TNS3: variants seen among roughly 807,000 people sequenced by gnomAD.
TNS3 encodes tensin 3.
Under a neutral mutation model 140.9 loss-of-function variants are expected in TNS3, and 45 were observed. The observed-to-expected ratio is 0.32, with a 90% CI of 0.25 to 0.41. The LOEUF (loss-of-function observed/expected upper bound fraction) is 0.41, where lower values mean the gene tolerates loss of function less well. Ranked by LOEUF, TNS3 falls within the 10% of genes least tolerant of loss-of-function variation. TNS3 has a pLI of 1.00. For synonymous variants in TNS3, 815 were observed against 788.4 expected (o/e 1.03, Z -0.56); for missense variants, 1,716 against 1,906.7 (o/e 0.90, Z 1.86).
At chr7:47,395,779 A>T (rs1251614058) in intron 16 of TNS3, among the ~76,000 whole-genome samples, 2 of 152,220 alleles carry the variant, frequency 1.3e-5, no homozygotes, top group Non-Finnish European at 2.9e-5. Context: ...TACCATCAAC[A>T]TTCCATCTGT....
Position 47,302,945 on chromosome 7 carries a change from C to A in TNS3, c.3457+5G>T, listed in dbSNP as rs532487398. On this transcript the variant is annotated splice_donor_5th_base_variant and intron_variant, in intron 22 of 30. Coordinates refer to ENST00000311160, the MANE Select transcript of TNS3 (RefSeq NM_022748.12). ...GCCCTTCCAACCAGCTGGAAACACACCTACCTGGCAGAGGTGAGGCCGCTT... is the reference window on the plus strand; with the variant it reads ...GCCCTTCCAACCAGCTGGAAACACAACTACCTGGCAGAGGTGAGGCCGCTT... The A allele has an allele frequency of 5.0e-6, 8 of 1,592,764 alleles. No homozygotes were observed. In the South Asian group the frequency reaches 8.0e-5, roughly 16 times the overall value.
At chr7:47,315,606 G>A (rs889797168) in intron 20 of TNS3, among the ~76,000 whole-genome samples, 7 of 152,226 alleles carry the variant, frequency 4.6e-5, no homozygotes, top group African/African-American at 1.7e-4. Flanking sequence ...AACAGGAAGA[G>A]GAGAAACCCA....
At chr7:47,324,865 C>A (rs545353266) in intron 20 of TNS3, among the ~76,000 whole-genome samples, 1 of 152,118 alleles carries the variant, frequency 6.6e-6, no homozygotes, top group African/African-American at 2.4e-5. Flanking sequence ...AAATAGTCTG[C>A]GCATAACTGT....
At position 47,407,790 on chromosome 7, in the gene TNS3, C is replaced by T. The variant is rs1040077069; in HGVS notation, c.723+3937G>A. Among the ~76,000 whole-genome samples, 3 of 152,142 alleles carry T rather than the reference C, an allele frequency of 2.0e-5. No homozygotes were observed. Among genetic ancestry groups the T allele is most frequent in the African/African-American group, 7.2e-5 (3 of 41,434 alleles). On this transcript the variant is annotated intron_variant, in intron 13 of 30. Coordinates refer to ENST00000311160, the MANE Select transcript of TNS3 (RefSeq NM_022748.12). The surrounding 1 kb of genome is among the most constrained non-coding windows in gnomAD (Gnocchi z 4.1). Reference sequence around the variant, plus strand: ...ACAGAGGGAAGCCCAGGTGAGGACACAGGGAGAAGACAGCCACCTCCAGGT... The same window carrying T: ...ACAGAGGGAAGCCCAGGTGAGGACATAGGGAGAAGACAGCCACCTCCAGGT...
At chr7:47,448,476 A>ATTTTTTTTTTTTTTTTTTTTT (rs71003401) in intron 4 of TNS3, among the ~76,000 whole-genome samples, 1 of 129,678 alleles carries the variant, frequency 7.7e-6, no homozygotes. Context: ...TGGGAATTCG[A>ATTTTTTTTTTTTTTTTTTTTT]TTTTTTTTTT....
chr7:47,312,970 GAAGA>G (rs1005385857), intron 20 of TNS3, among the ~76,000 whole-genome samples: 1 of 152,194 alleles, frequency 6.6e-6, no homozygotes, highest in African/African-American at 2.4e-5. Context: ...CCGGAGAACG[GAAGA>G]GAGAAACAAA....
intron 5 of TNS3, among the ~76,000 whole-genome samples, chr7:47,440,931 A>T (rs566287212): frequency 7.2e-5 from 11 of 152,320 alleles, no homozygotes; most frequent in African/African-American, 2.6e-4. Flanking sequence ...ATGTACCCAC[A>T]TCACCTAACT....
At chr7:47,375,770 A>C (rs1231704873) in intron 16 of TNS3, among the ~76,000 whole-genome samples, 1 of 152,188 alleles carries the variant, frequency 6.6e-6, no homozygotes, top group African/African-American at 2.4e-5. Flanking sequence ...AGCTGATCTC[A>C]CACTTCAGCA....
intron 9 of TNS3, among the ~76,000 whole-genome samples, chr7:47,425,991 G>A (rs1452799060): frequency 6.6e-6 from 1 of 152,026 alleles, no homozygotes; most frequent in Non-Finnish European, 1.5e-5. Flanking sequence ...AAGCTTTGCA[G>A]TAGAAAACAA....
At chr7:47,344,594 T>A (rs567061232) in intron 20 of TNS3, among the ~76,000 whole-genome samples, 161 bp downstream of exon 20, 1 of 152,224 alleles carries the variant, frequency 6.6e-6, no homozygotes, top group African/African-American at 2.4e-5. Flanking sequence ...CACGGCCACA[T>A]CCCTACATCT....
At chr7:47,310,348 G>A (rs1787016437) in intron 20 of TNS3, among the ~76,000 whole-genome samples, 1 of 152,086 alleles carries the variant, frequency 6.6e-6, no homozygotes, top group African/African-American at 2.4e-5. Context: ...GATGCACCTA[G>A]GAAGAGGGGC....
intron 4 of TNS3, among the ~76,000 whole-genome samples, chr7:47,451,010 T>C (rs925106941): frequency 2.0e-5 from 3 of 152,196 alleles, no homozygotes; most frequent in Non-Finnish European, 2.9e-5. Context: ...GGCAGGTGCC[T>C]GTAAACCCAG....
intron 4 of TNS3, among the ~76,000 whole-genome samples, chr7:47,479,961 A>T (rs1022010446): frequency 3.3e-5 from 5 of 152,320 alleles, no homozygotes; most frequent in Admixed American, 1.3e-4. Context: ...CCCACTGGGT[A>T]AAGGAGGAAA....
At chr7:47,540,080 C>T (rs757130508) in intron 1 of TNS3, among the ~76,000 whole-genome samples, 3 of 152,194 alleles carry the variant, frequency 2.0e-5, no homozygotes, top group Non-Finnish European at 4.4e-5. Context: ...CAATTTTCTT[C>T]GTGCTTTGCC....
chr7:47,485,357 G>A (rs1008173632), intron 3 of TNS3, among the ~76,000 whole-genome samples: 25 of 152,296 alleles, frequency 1.6e-4, no homozygotes, highest in African/African-American at 5.8e-4. Context: ...TAAGGCCAGC[G>A]AGCCCCCACT....
chr7:47,313,726 T>G (rs909116653), intron 20 of TNS3, among the ~76,000 whole-genome samples: 3 of 152,172 alleles, frequency 2.0e-5, no homozygotes, highest in African/African-American at 7.2e-5. Context: ...AAGCCCTCAA[T>G]GCACTCCCAT....
intron 20 of TNS3, among the ~76,000 whole-genome samples, chr7:47,318,972 T>C (rs530496993): frequency 2.6e-5 from 4 of 152,334 alleles, no homozygotes; most frequent in African/African-American, 7.2e-5. Flanking sequence ...GAATCTGGCT[T>C]TCCTTTAGAA....
chr7:47,432,380 C>A (rs1047294820), intron 8 of TNS3, among the ~76,000 whole-genome samples: 6 of 152,224 alleles, frequency 3.9e-5, no homozygotes, highest in Non-Finnish European at 8.8e-5. Flanking sequence ...AGGACCTCTG[C>A]AGAATCCCCA....
At chr7:47,548,387 T>A (rs1389964766) in intron 1 of TNS3, among the ~76,000 whole-genome samples, 2 of 152,126 alleles carry the variant, frequency 1.3e-5, no homozygotes, top group Non-Finnish European at 2.9e-5. Context: ...CTGACTATAG[T>A]CACTGCCCCT....
Sources: gnomAD v4.1 joint callset for allele counts (sites outside exome capture counted in the v4.1 genomes callset) on GRCh38, gnomAD v4.1.1 for gene constraint, Gnocchi (gnomAD v3.1) non-coding constraint, MANE v1.5 for transcripts, NCBI Gene and HGNC (gene_info 2026-07-23, HGNC 2026-07-21) for gene names.